ZFHX3: variants seen among roughly 807,000 people sequenced by gnomAD.
ZFHX3 encodes the protein zinc finger homeobox protein 3.
Under a neutral mutation model 279.1 loss-of-function variants are expected in ZFHX3, and 42 were observed. The observed-to-expected ratio is 0.15, with a 90% CI of 0.12 to 0.19. The LOEUF is 0.19. Among genes scored for constraint, ZFHX3 ranks in the 10% least tolerant of loss-of-function variants. The pLI is 1.00. For synonymous variants in ZFHX3, 2,293 were observed against 1,957.8 expected (o/e 1.17, Z -4.52); for missense variants, 4,981 against 4,754.0 (o/e 1.05, Z -1.40).
At chr16:73,534,743 G>A (rs543367514) in intron 2 of ZFHX3, among the ~76,000 whole-genome samples, 68 of 152,246 alleles carry the variant, frequency 4.5e-4, no homozygotes, top group Middle Eastern at 6.8e-3. Flanking sequence ...CATCGTAATC[G>A]TCACAGTTGC....
intron 4 of ZFHX3, among the ~76,000 whole-genome samples, chr16:73,296,314 A>G (rs776349529): frequency 2.0e-5 from 3 of 152,204 alleles, no homozygotes; most frequent in Non-Finnish European, 4.4e-5. Flanking sequence ...TTACAACTGA[A>G]TTAAGAAAAT....
At chr16:73,634,433 A>ATTATATATATATATAT (rs1197229737) in intron 2 of ZFHX3, among the ~76,000 whole-genome samples, 8 of 59,904 alleles carry the variant, frequency 1.3e-4, no homozygotes, top group African/African-American at 3.5e-4. Context: ...TATTATGTAT[A>ATTATATATATATATAT]ATATATATAT....
At chr16:72,920,752 A>C (rs1770331781) in intron 3 of ZFHX3, among the ~76,000 whole-genome samples, 1 of 151,836 alleles carries the variant, frequency 6.6e-6, no homozygotes, top group African/African-American at 2.4e-5. Flanking sequence ...CCTCAAGTGG[A>C]AGACAACAAC....
At chr16:73,783,136 T>C (rs1597113521) in intron 1 of ZFHX3, among the ~76,000 whole-genome samples, 1 of 152,156 alleles carries the variant, frequency 6.6e-6, no homozygotes, top group Non-Finnish European at 1.5e-5. Context: ...AGAGTTGGCT[T>C]TGATGGCTCA....
chr16:73,306,252 C>G (rs191027874), intron 4 of ZFHX3, among the ~76,000 whole-genome samples: 2 of 152,162 alleles, frequency 1.3e-5, no homozygotes, highest in Admixed American at 6.5e-5. Flanking sequence ...TTAAAAAAAT[C>G]AATATAGATC....
At chr16:73,425,629 G>A (rs1277244694) in intron 3 of ZFHX3, among the ~76,000 whole-genome samples, 1 of 152,094 alleles carries the variant, frequency 6.6e-6, no homozygotes, top group African/African-American at 2.4e-5. Context: ...GAAGACTCAA[G>A]GGTATGGCAG....
chr16:72,894,521 T>A (rs1172248143), intron 3 of ZFHX3, among the ~76,000 whole-genome samples: 3 of 151,912 alleles, frequency 2.0e-5, no homozygotes, highest in African/African-American at 7.3e-5. Context: ...TAAAAAGCAG[T>A]GGTAGGGAGT....
intron 7 of ZFHX3, among the ~76,000 whole-genome samples, chr16:73,120,741 A>C (rs1597164057): frequency 8.0e-6 from 1 of 124,262 alleles, no homozygotes; most frequent in African/African-American, 3.2e-5. Flanking sequence ...TGCACCCTCC[A>C]CCTCCCGGGT....
At chr16:72,998,574 A>G (rs1963375709) in intron 1 of ZFHX3, among the ~76,000 whole-genome samples, 1 of 152,140 alleles carries the variant, frequency 6.6e-6, no homozygotes. Flanking sequence ...TGTGTTCCAC[A>G]CTCACAGTAT....
chr16:73,022,402 C>T lies in ZFHX3; in HGVS notation c.-50+25350G>A, dbSNP rs181326879. Among the ~76,000 whole-genome samples, 3 of 152,218 alleles carry T rather than the reference C, an allele frequency of 2.0e-5. No homozygotes were observed. In the East Asian group the frequency reaches 5.8e-4, roughly 30 times the overall value. On this transcript the variant is annotated intron_variant, in intron 1 of 9. Coordinates refer to ENST00000268489, the MANE Select transcript of ZFHX3 (RefSeq NM_006885.4). ...CACTGCAGGCCCCTGGTCAGCAGAA[C>T]AAGAAGAATACGGAGCCGGGAGTTT...
chr16:73,811,522 G>C (rs1960425819), intron 1 of ZFHX3, among the ~76,000 whole-genome samples: 1 of 139,908 alleles, frequency 7.1e-6, no homozygotes, highest in Non-Finnish European at 1.5e-5. Flanking sequence ...TCAGCTCACT[G>C]TAACCTCTGC....
In ZFHX3 at chr16:72,960,055, G is replaced by GGGTGCTGTTGAGTTCA; in HGVS notation, c.75_90dup (p.His31Ter). On this transcript the variant is annotated stop_gained and frameshift_variant, in exon 2 of 10. Coordinates refer to ENST00000268489, the MANE Select transcript of ZFHX3 (RefSeq NM_006885.4). LOFTEE classifies it high-confidence loss of function. Reference sequence around the variant, plus strand: ...ATGCTACTGGGTTTGTCAGGGAGGTGGGTGCTGTTGAGTTCAGTCCATTGC... The same window carrying GGGTGCTGTTGAGTTCA: ...ATGCTACTGGGTTTGTCAGGGAGGTGGGTGCTGTTGAGTTCAGGTGCTGTTGAGTTCAGTCCATTGC... 6.2e-7 allele frequency: 1 copy of GGGTGCTGTTGAGTTCA among 1,614,080 alleles called. No individual in the cohort carries two copies. The highest frequency in any genetic ancestry group is 8.5e-7 in the Non-Finnish European group (1 of 1,179,972).
chr16:73,187,732 G>T (rs555984760), intron 5 of ZFHX3, among the ~76,000 whole-genome samples: 8 of 152,218 alleles, frequency 5.3e-5, no homozygotes, highest in Non-Finnish European at 1.2e-4. Flanking sequence ...CTTTGTTCAC[G>T]TGAAGTGGTG....
chr16:73,667,352 C>T (rs760960490), intron 2 of ZFHX3, among the ~76,000 whole-genome samples: 4 of 152,058 alleles, frequency 2.6e-5, no homozygotes, highest in African/African-American at 9.7e-5. Flanking sequence ...CAGGTTTTGG[C>T]GATTATGAGT....
intron 3 of ZFHX3, among the ~76,000 whole-genome samples, chr16:73,449,730 G>C (rs989839897): frequency 1.1e-4 from 16 of 152,154 alleles, no homozygotes; most frequent in African/African-American, 3.9e-4. Context: ...GAAGGAAATT[G>C]AGTAGCTGTG....
intron 1 of ZFHX3, among the ~76,000 whole-genome samples, chr16:73,882,470 T>C (rs1042877210): frequency 5.9e-5 from 9 of 152,190 alleles, no homozygotes; most frequent in Admixed American, 2.0e-4. Context: ...GTTTTTTTTT[T>C]CCCATCTCTA....
At chr16:73,153,949 C>T (rs1229434661) in intron 5 of ZFHX3, among the ~76,000 whole-genome samples, 1 of 151,980 alleles carries the variant, frequency 6.6e-6, no homozygotes, top group Non-Finnish European at 1.5e-5. Flanking sequence ...CATGATCCGC[C>T]CGCCCCAGCC....
intron 1 of ZFHX3, among the ~76,000 whole-genome samples, chr16:73,860,382 C>T (rs1209669138): frequency 6.7e-6 from 1 of 150,160 alleles, no homozygotes; most frequent in Non-Finnish European, 1.5e-5. Flanking sequence ...GTTTTTCATT[C>T]CCTTACTTTT....
At chr16:73,484,961 TCCCATA>T (rs1567498242) in intron 2 of ZFHX3, among the ~76,000 whole-genome samples, 11 of 150,544 alleles carry the variant, frequency 7.3e-5, no homozygotes, top group Non-Finnish European at 1.0e-4. Flanking sequence ...AGACAGAATT[TCCCATA>T]AGGAAAAAAA....
Sources: allele counts gnomAD v4.1 joint callset (sites outside exome capture counted in the v4.1 genomes callset), GRCh38; gene constraint gnomAD v4.1.1; transcripts MANE v1.5; gene names NCBI Gene and HGNC (gene_info 2026-07-23, HGNC 2026-07-21).